Variants in PDE1A observed in about 807,000 individuals in gnomAD.
PDE1A encodes the protein phosphodiesterase 1A.
PDE1A carries 35 observed loss-of-function variants against 61.7 expected under a neutral mutation model. The ratio of observed to expected loss-of-function variants is 0.57; its 90% CI spans 0.43 to 0.75. PDE1A has a LOEUF of 0.75. Among genes scored for constraint, PDE1A ranks in the 30% least tolerant of loss-of-function variants. PDE1A has a pLI of 0.00. For synonymous variants in PDE1A, 232 were observed against 213.2 expected (o/e 1.09, Z -0.77); for missense variants, 597 against 630.6 (o/e 0.95, Z 0.57).
the PDE1A span, among the ~76,000 whole-genome samples, chr2:182,574,745 G>T: frequency 6.6e-6 from 1 of 152,182 alleles, no homozygotes; most frequent in Non-Finnish European, 1.5e-5. Context: ...AGGCTGGAGT[G>T]CATTGGCACA....
intron 2 of PDE1A, among the ~76,000 whole-genome samples, chr2:182,261,388 T>G (rs1692207644): frequency 6.6e-6 from 1 of 152,162 alleles, no homozygotes; most frequent in South Asian, 2.1e-4. Context: ...GTGGTGACAC[T>G]AATGTGAGAT....
At chr2:182,383,258 T>G (rs965214238) in intron 1 of PDE1A, among the ~76,000 whole-genome samples, 1 of 152,198 alleles carries the variant, frequency 6.6e-6, no homozygotes, top group African/African-American at 2.4e-5. Flanking sequence ...AACCTTCTCT[T>G]GCTGTGAAAA....
In PDE1A at chr2:182,225,046, A is replaced by G. The variant is rs1689032954; in HGVS notation, c.676-1082T>C. 2.0e-5 allele frequency among the ~76,000 whole-genome samples: 3 copies of G among 152,120 alleles called. No homozygotes were observed. The South Asian group carries it at 6.2e-4, about 31-fold the overall frequency. On this transcript the variant is annotated intron_variant, in intron 6 of 13. Transcript: ENST00000351439. ...CATGTAAACTATGTGCACACTTGAT[A>G]AAAGTTTGCAGAATAAAGATGCAAT...
At chr2:182,476,814 T>C (rs1021474650) in intron 2 of PDE1A, among the ~76,000 whole-genome samples, 1 of 147,928 alleles carries the variant, frequency 6.8e-6, no homozygotes, top group Non-Finnish European at 1.5e-5. Flanking sequence ...AATGAAAGAA[T>C]AAAAGACCAA....
At position 182,372,465 on chromosome 2, in the gene PDE1A, A is replaced by G. The variant is rs778791601; in HGVS notation, c.53+54113T>C. Among the ~76,000 whole-genome samples, 19 of 152,356 alleles carry G rather than the reference A, an allele frequency of 1.2e-4. No homozygotes were observed. The Middle Eastern group carries it at 0.014, about 109-fold the overall frequency. On this transcript the variant is annotated intron_variant, in intron 1 of 13. Transcript: ENST00000351439. ...GGCATTTTAAAGAAAAACTTTGAAC[A>G]TGTCACAGACCAGGATGTAAAAATA...
Position 182,264,427 on chromosome 2 carries a change from A to T in PDE1A, c.54-13T>A. 1 of 1,587,650 alleles carries T rather than the reference A, an allele frequency of 6.3e-7. No homozygotes were observed. Among genetic ancestry groups the T allele is most frequent in the Non-Finnish European group, 8.6e-7 (1 of 1,156,996 alleles). ...CAAGCATCTTAGTCTATTTCAAAAAAGTAGCCAAAGAGAGAAAGAGCAAGG... is the reference window on the plus strand; with the variant it reads ...CAAGCATCTTAGTCTATTTCAAAAATGTAGCCAAAGAGAGAAAGAGCAAGG... On this transcript the variant is annotated splice_polypyrimidine_tract_variant and intron_variant, in intron 1 of 13. Transcript: ENST00000351439.
chr2:182,563,064 G>C, the PDE1A span, among the ~76,000 whole-genome samples: 1 of 152,066 alleles, frequency 6.6e-6, no homozygotes, highest in South Asian at 2.1e-4. Flanking sequence ...CTTCAGTTCT[G>C]CTCTGATTTT....
downstream of PDE1A, among the ~76,000 whole-genome samples, chr2:182,145,386 G>A (rs552939630): frequency 1.3e-5 from 2 of 152,008 alleles, no homozygotes; most frequent in East Asian, 1.9e-4. Context: ...TTGCCAAATC[G>A]TCTGCTCGGG....
At chr2:182,481,548 T>C (rs181489681) in intron 2 of PDE1A, among the ~76,000 whole-genome samples, 1 of 152,090 alleles carries the variant, frequency 6.6e-6, no homozygotes, top group East Asian at 1.9e-4. Flanking sequence ...ATGACTGATT[T>C]GATCATCATA....
At chr2:182,507,388 G>A (rs943491803) in intron 2 of PDE1A, among the ~76,000 whole-genome samples, 16 of 152,086 alleles carry the variant, frequency 1.1e-4, no homozygotes, top group Admixed American at 3.9e-4. Flanking sequence ...TCACATGTCC[G>A]GTAGTTAACT....
chr2:182,566,511 A>T, the PDE1A span, among the ~76,000 whole-genome samples: 37 of 151,224 alleles, frequency 2.4e-4, no homozygotes, highest in Admixed American at 8.6e-4. Flanking sequence ...TAAATTATAT[A>T]ATATATATTT....
At chr2:182,413,792 C>A (rs1560370) in intron 1 of PDE1A, among the ~76,000 whole-genome samples, 47,334 of 151,910 alleles carry the variant, frequency 0.31, 8,660 homozygotes, top group South Asian at 0.49. Flanking sequence ...TCTTGTAATC[C>A]TGTGTCTGTG....
intron 1 of PDE1A, among the ~76,000 whole-genome samples, chr2:182,273,579 C>A (rs1000247026): frequency 6.6e-6 from 1 of 151,958 alleles, no homozygotes; most frequent in African/African-American, 2.4e-5. Context: ...AGAAAATACA[C>A]ATTAAGTGAA....
chr2:182,515,538 G>A (rs192793690), intron 2 of PDE1A, among the ~76,000 whole-genome samples: 3 of 152,218 alleles, frequency 2.0e-5, no homozygotes, highest in Admixed American at 2.0e-4. Context: ...AATAATGTTA[G>A]TTCTATAAAC....
the PDE1A span, among the ~76,000 whole-genome samples, chr2:182,633,926 C>CA: frequency 1.3e-5 from 2 of 151,586 alleles, no homozygotes; most frequent in African/African-American, 4.8e-5. Flanking sequence ...CTACCAAAAA[C>CA]AAAAAAACAA....
rs560358679 is a variant in PDE1A at position 182,401,172 on chromosome 2, A to C, written c.53+25406T>G. ...GAGGGACTCTTCTCTAACTCATTTT[A>C]TGATGCCAGCATCATCCTGATACCA... On this transcript the variant is annotated intron_variant, in intron 1 of 13. Coordinates refer to ENST00000351439, the Ensembl canonical transcript of PDE1A. 5.9e-5 allele frequency among the ~76,000 whole-genome samples: 9 copies of C among 152,334 alleles called. No homozygotes were observed. The South Asian group carries it at 1.9e-3, about 32-fold the overall frequency.
intron 1 of PDE1A, among the ~76,000 whole-genome samples, chr2:182,399,388 G>GC (rs1259956033): frequency 2.0e-5 from 3 of 151,754 alleles, no homozygotes; most frequent in Non-Finnish European, 4.4e-5. Flanking sequence ...GTTAAATCCT[G>GC]CCCCCTCTGC....
At chr2:182,352,286 T>G (rs1348939493) in intron 1 of PDE1A, among the ~76,000 whole-genome samples, 1 of 152,222 alleles carries the variant, frequency 6.6e-6, no homozygotes, top group East Asian at 1.9e-4. Context: ...CACCTGAGTC[T>G]ATGTCACATT....
At chr2:182,585,255 T>C in the PDE1A span, among the ~76,000 whole-genome samples, 2 of 152,202 alleles carry the variant, frequency 1.3e-5, no homozygotes, top group African/African-American at 2.4e-5. Context: ...AGATTCGTGA[T>C]AGCAACATGT....
Sources: gnomAD v4.1 joint callset for allele counts (sites outside exome capture counted in the v4.1 genomes callset) on GRCh38, gnomAD v4.1.1 for gene constraint, MANE v1.5 for transcripts, NCBI Gene and HGNC (gene_info 2026-07-23, HGNC 2026-07-21) for gene names.